Variants in ERBB4 observed in about 807,000 individuals in gnomAD.
The protein encoded by ERBB4 is erb-b2 receptor tyrosine kinase 4, also known as receptor tyrosine-protein kinase erbB-4.
Under a neutral mutation model 158.0 loss-of-function variants are expected in ERBB4, and 42 were observed. The observed-to-expected ratio is 0.27, with a 90% CI of 0.21 to 0.34. ERBB4 has a LOEUF of 0.34. Ranked by LOEUF, ERBB4 falls within the 10% of genes least tolerant of loss-of-function variation. ERBB4 has a pLI of 1.00. For synonymous variants in ERBB4, 583 were observed against 558.7 expected, an observed-to-expected ratio of 1.04 and a Z score of -0.61; for missense variants, 1,333 against 1,624.1, an observed-to-expected ratio of 0.82 and a Z score of 3.08.
At chr2:212,523,449 T>C (rs538388518) in intron 1 of ERBB4, among the ~76,000 whole-genome samples, 2 of 152,158 alleles carry the variant, frequency 1.3e-5, no homozygotes, top group South Asian at 2.1e-4. Context: ...TGTATGCTTA[T>C]ATTCTCTATT....
intron 19 of ERBB4, among the ~76,000 whole-genome samples, chr2:211,596,232 C>CTGAA: frequency 6.6e-6 from 1 of 151,766 alleles, no homozygotes; most frequent in South Asian, 2.1e-4. Flanking sequence ...AAAAAAAAGT[C>CTGAA]TGAATGCTTT....
intron 25 of ERBB4, among the ~76,000 whole-genome samples, chr2:211,403,599 ACTTTAACTACCATATAGCTG>A (rs1228876183): frequency 7.2e-5 from 11 of 152,242 alleles, no homozygotes; most frequent in African/African-American, 9.6e-5. Flanking sequence ...TCTCCACTGC[ACTTTAACTACCATATAGCTG>A]CTTTAACTAC....
rs1393743578 is a variant in ERBB4, at chr2:211,892,735, C to T, written c.421+54695G>A. Among the ~76,000 whole-genome samples the T allele has an allele frequency of 1.3e-4, 19 of 145,050 alleles. 2 individuals carry two copies. Among genetic ancestry groups the T allele is most frequent in the Non-Finnish European group, 4.5e-5 (3 of 66,444 alleles). ...AGTCTCAGGATACAAAATCAATGTACAAAATTCACAAGCATTCTTATACAC... is the reference window on the plus strand; with the variant it reads ...AGTCTCAGGATACAAAATCAATGTATAAAATTCACAAGCATTCTTATACAC... On this transcript the variant is annotated intron_variant, in intron 3 of 27. Coordinates refer to ENST00000342788, the MANE Select transcript of ERBB4 (RefSeq NM_005235.3).
intron 20 of ERBB4, among the ~76,000 whole-genome samples, chr2:211,516,342 T>G (rs1204991252): frequency 6.6e-6 from 1 of 151,642 alleles, no homozygotes; most frequent in African/African-American, 2.4e-5. Context: ...TTTCTTTTTT[T>G]TTTCTTTTTT....
intron 2 of ERBB4, among the ~76,000 whole-genome samples, chr2:212,109,320 T>C (rs1401013611): frequency 6.6e-6 from 1 of 152,178 alleles, no homozygotes; most frequent in Non-Finnish European, 1.5e-5. Context: ...ACCTTTATTT[T>C]AAGCCAAAAT....
In ERBB4 at chr2:211,893,087, A is replaced by G. The variant is rs568047271; in HGVS notation, c.421+54343T>C. Among the ~76,000 whole-genome samples, 222 of 147,182 alleles carry G rather than the reference A, an allele frequency of 1.5e-3. 6 individuals carry two copies. Among genetic ancestry groups the G allele is most frequent in the African/African-American group, 5.5e-3 (210 of 38,344 alleles). ...TAAAGTTCATATGGAACCAAAAAAG[A>G]GCCCGCATCGCCAAGTCAATCCTAA... On this transcript the variant is annotated intron_variant, in intron 3 of 27. Coordinates refer to ENST00000342788, the MANE Select transcript of ERBB4 (RefSeq NM_005235.3).
At chr2:211,431,602 A>C (rs937571101) in intron 20 of ERBB4, among the ~76,000 whole-genome samples, 1 of 152,148 alleles carries the variant, frequency 6.6e-6, no homozygotes, top group Non-Finnish European at 1.5e-5. Context: ...TGGAGGCTGA[A>C]GAATTATACT....
intron 3 of ERBB4, among the ~76,000 whole-genome samples, chr2:211,827,653 A>G (rs2077132841): frequency 6.6e-6 from 1 of 151,774 alleles, no homozygotes; most frequent in Non-Finnish European, 1.5e-5. Context: ...TATCTGCTGT[A>G]TTTGTTCAAT....
intron 3 of ERBB4, among the ~76,000 whole-genome samples, chr2:211,800,295 T>G (rs985821965): frequency 3.9e-5 from 6 of 152,166 alleles, no homozygotes; most frequent in Admixed American, 3.3e-4. Context: ...AGAAATCCTA[T>G]GAGGTAATTA....
At chr2:211,477,040 GT>G (rs2125538977) in intron 20 of ERBB4, among the ~76,000 whole-genome samples, 1 of 152,174 alleles carries the variant, frequency 6.6e-6, no homozygotes, top group Non-Finnish European at 1.5e-5. Flanking sequence ...TTCTAAAGGT[GT>G]TTTTGGATGA....
chr2:212,363,553 A>G (rs2089772994), intron 1 of ERBB4, among the ~76,000 whole-genome samples: 1 of 151,552 alleles, frequency 6.6e-6, no homozygotes, highest in South Asian at 2.1e-4. Context: ...ACACTTAGAT[A>G]AGAATAAACT....
intron 1 of ERBB4, among the ~76,000 whole-genome samples, chr2:212,323,990 G>A (rs553467262): frequency 1.6e-4 from 24 of 150,510 alleles, no homozygotes; most frequent in African/African-American, 5.6e-4. Flanking sequence ...ACTAAATCCT[G>A]AAGTGTTCCA....
intron 1 of ERBB4, among the ~76,000 whole-genome samples, chr2:212,167,401 GC>G (rs1452152204): frequency 6.6e-6 from 1 of 152,050 alleles, no homozygotes; most frequent in Non-Finnish European, 1.5e-5. Flanking sequence ...AATATCCCAT[GC>G]CACTCAGAAT....
chr2:211,505,777 G>C (rs927341409), intron 20 of ERBB4, among the ~76,000 whole-genome samples: 2 of 151,926 alleles, frequency 1.3e-5, no homozygotes, highest in East Asian at 3.9e-4. Flanking sequence ...TGGCTAACAC[G>C]GTGAAACCCC....
At chr2:212,301,187 T>C (rs560252633) in intron 1 of ERBB4, among the ~76,000 whole-genome samples, 3 of 151,292 alleles carry the variant, frequency 2.0e-5, no homozygotes, top group African/African-American at 7.2e-5. Context: ...AGGACCTGCC[T>C]TCATCTTACC....
At position 212,223,942 on chromosome 2, in the gene ERBB4, A is replaced by G. The variant is rs145737905; in HGVS notation, c.83-99039T>C. 5.1e-4 allele frequency among the ~76,000 whole-genome samples: 78 copies of G among 151,964 alleles called. No individual in the cohort carries two copies. In the East Asian group the frequency reaches 0.014, roughly 28 times the overall value. ...TTCCAGCCAACACAACGATTAACAG[A>G]CATAAGGCTTGTAGTTACATAAAAC... On this transcript the variant is annotated intron_variant, in intron 1 of 27. Transcript: ENST00000342788.
intron 1 of ERBB4, among the ~76,000 whole-genome samples, chr2:212,431,320 A>AC (rs1560302164): frequency 1.3e-5 from 2 of 150,968 alleles, no homozygotes; most frequent in Non-Finnish European, 1.5e-5. Flanking sequence ...AAAAAAAAAA[A>AC]AAAAAAAAAA....
chr2:211,826,990 T>A (rs1388624751), intron 3 of ERBB4, among the ~76,000 whole-genome samples: 1 of 152,020 alleles, frequency 6.6e-6, no homozygotes, highest in African/African-American at 2.4e-5. Context: ...CGGTTTTCAG[T>A]TAAGTTTGTG....
intron 3 of ERBB4, among the ~76,000 whole-genome samples, chr2:211,814,422 ATTAAC>A (rs1340083840): frequency 3.3e-5 from 5 of 152,172 alleles, no homozygotes; most frequent in African/African-American, 1.2e-4. Flanking sequence ...ATTCAGAATA[ATTAAC>A]TTAAGACATT....
Sources: gnomAD v4.1 joint callset for allele counts (sites outside exome capture counted in the v4.1 genomes callset) on GRCh38, gnomAD v4.1.1 for gene constraint, MANE v1.5 for transcripts, NCBI Gene and HGNC (gene_info 2026-07-23, HGNC 2026-07-21) for gene names.